Variants in TACC1 observed in about 807,000 individuals in gnomAD.
The protein encoded by TACC1 is transforming acidic coiled-coil containing protein 1.
Under a neutral mutation model 84.4 loss-of-function variants are expected in TACC1, and 48 were observed. That is an observed-to-expected ratio of 0.57 (90% CI 0.45 to 0.72). The LOEUF (loss-of-function observed/expected upper bound fraction) is 0.72. Ranked by LOEUF, TACC1 falls within the 30% of genes least tolerant of loss-of-function variation. The pLI is 0.00. For missense variants in TACC1, 920 were observed against 973.0 expected (o/e 0.95, Z 0.72); for synonymous variants, 372 against 376.3 (o/e 0.99, Z 0.13).
At chr8:38,755,752 C>CAACAACAACAACA (rs1554496270) in intron 3 of TACC1, among the ~76,000 whole-genome samples, 2 of 93,042 alleles carry the variant, frequency 2.1e-5, no homozygotes, top group African/African-American at 7.0e-5. Flanking sequence ...ACAACAACAA[C>CAACAACAACAACA]AGAGTGTTCC....
At chr8:38,742,545 G>A in intron 2 of TACC1, 1 of 935,590 alleles carries the variant, frequency 1.1e-6, no homozygotes, top group Non-Finnish European at 1.6e-6. Context: ...TGTAATCTTT[G>A]TATTTGGATT....
Position 38,852,171 on chromosome 8 carries a change from A to G in TACC1, c.*4148A>G, listed in dbSNP as rs1833185827. 2 of 291,594 alleles carry G rather than the reference A, an allele frequency of 6.9e-6. No individual in the cohort carries two copies. The highest frequency in any genetic ancestry group is 6.1e-5 in the South Asian group (2 of 32,592). The allele number at this position is 291,594 out of a possible 1,614,324, so 18.1% of individuals were successfully genotyped here. On this transcript the variant is annotated 3_prime_UTR_variant, in exon 13 of 13. Coordinates refer to ENST00000317827, the MANE Select transcript of TACC1 (RefSeq NM_006283.3). Reference sequence around the variant, plus strand: ...TAGTTTTTTGTCCAAATGCAATCCCATTTCTGTGCCTCTTAGCATGCAGTT... The same window carrying G: ...TAGTTTTTTGTCCAAATGCAATCCCGTTTCTGTGCCTCTTAGCATGCAGTT...
intron 3 of TACC1, among the ~76,000 whole-genome samples, chr8:38,759,324 A>C (rs547615168): frequency 2.1e-4 from 32 of 152,358 alleles, no homozygotes; most frequent in African/African-American, 7.7e-4. Flanking sequence ...ATCTCTGAGC[A>C]ATATACTATT....
In TACC1 at chr8:38,827,390, C is replaced by T. The variant is rs1383630000; in HGVS notation, c.1660+15C>T. The T allele has an allele frequency of 6.2e-7, 1 of 1,612,486 alleles. No individual in the cohort carries two copies. Among genetic ancestry groups the T allele is most frequent in the East Asian group, 2.2e-5 (1 of 44,884 alleles). ...CTCAGAAGCAGGTATGGAAGCATATCTTCATCTTTCTAATGTACATAAGCA... is the reference window on the plus strand; with the variant it reads ...CTCAGAAGCAGGTATGGAAGCATATTTTCATCTTTCTAATGTACATAAGCA... On this transcript the variant is annotated intron_variant, in intron 5 of 12. Transcript: ENST00000317827.
At chr8:38,768,093 AAGGAAGG>A (rs1563346646) in intron 3 of TACC1, among the ~76,000 whole-genome samples, 1 of 140,930 alleles carries the variant, frequency 7.1e-6, no homozygotes, top group Non-Finnish European at 1.5e-5. Flanking sequence ...GGAAGGAAGG[AAGGAAGG>A]AAGGAAGGAA....
At position 38,848,251 on chromosome 8, in the gene TACC1, G is replaced by A; in HGVS notation, c.*228G>A. ...AGGAGTGTGACCTGACAGTGCTGGA[G>A]CCTCCTAGTTTCCCCCTATGAAGGT... On this transcript the variant is annotated 3_prime_UTR_variant, in exon 13 of 13. Coordinates refer to ENST00000317827, the MANE Select transcript of TACC1 (RefSeq NM_006283.3). 2 of 380,520 alleles carry A rather than the reference G, an allele frequency of 5.3e-6. No homozygotes were observed. Among genetic ancestry groups the A allele is most frequent in the African/African-American group, 2.1e-5 (1 of 48,394 alleles). 23.6% of individuals were successfully genotyped at this position (380,520 alleles called of 1,614,324 possible). A position where few individuals can be genotyped will look rare whatever the true frequency, so the allele number is the denominator to read the frequency against.
chr8:38,736,756 A>G (rs1235427701), intron 1 of TACC1, among the ~76,000 whole-genome samples: 7 of 152,186 alleles, frequency 4.6e-5, no homozygotes, highest in African/African-American at 1.7e-4. Flanking sequence ...AATGGCACAC[A>G]TTTATGGATA....
At position 38,787,476 on chromosome 8, in the gene TACC1, A is replaced by C. The variant is rs1817522305; in HGVS notation, c.-107A>C. 2 of 1,397,044 alleles carry C rather than the reference A, an allele frequency of 1.4e-6. No homozygotes were observed. Among genetic ancestry groups the C allele is most frequent in the African/African-American group, 3.0e-5 (2 of 65,602 alleles). 86.5% of individuals were successfully genotyped at this position (1,397,044 alleles called of 1,614,324 possible). A position where few individuals can be genotyped will look rare whatever the true frequency, so the allele number is the denominator to read the frequency against. Reference sequence around the variant, plus strand: ...TTAACCACATCCGCGCCTCTGCTGGAAACGCTTGCTGGCGCCTGTCACCGG... The same window carrying C: ...TTAACCACATCCGCGCCTCTGCTGGCAACGCTTGCTGGCGCCTGTCACCGG... On this transcript the variant is annotated 5_prime_UTR_variant, in exon 1 of 13. Coordinates refer to ENST00000317827, the MANE Select transcript of TACC1 (RefSeq NM_006283.3).
chr8:38,755,647 T>C (rs1207899330), intron 3 of TACC1, among the ~76,000 whole-genome samples: 1 of 151,468 alleles, frequency 6.6e-6, no homozygotes, highest in East Asian at 2.0e-4. Flanking sequence ...AAGGCTCCAG[T>C]GAGCTTTGAT....
At chr8:38,748,533 G>A (rs73677604) in intron 3 of TACC1, among the ~76,000 whole-genome samples, 1,586 of 152,130 alleles carry the variant, frequency 0.01, 25 homozygotes, top group African/African-American at 0.036. Flanking sequence ...TACCAAGATA[G>A]ACCACATTCT....
Position 38,843,649 on chromosome 8 carries a change from A to T in TACC1, c.2228+254A>T, listed in dbSNP as rs186993532. The T allele has an allele frequency of 1.5e-4, 38 of 250,808 alleles. 1 individual carries two copies. Among genetic ancestry groups the T allele is most frequent in the African/African-American group, 8.0e-4 (36 of 44,830 alleles). 15.5% of individuals were successfully genotyped at this position (250,808 alleles called of 1,614,324 possible). ...TTGTTGGTTTCTGTTTTTTCTTCCT[A>T]TTACAATTTTTTTCTTTTTTATATG... On this transcript the variant is annotated intron_variant, in intron 11 of 12. Coordinates refer to ENST00000317827, the MANE Select transcript of TACC1 (RefSeq NM_006283.3).
chr8:38,794,722 C>A (rs4480085), intron 2 of TACC1, among the ~76,000 whole-genome samples: 1 of 152,146 alleles, frequency 6.6e-6, no homozygotes, highest in Non-Finnish European at 1.5e-5. Flanking sequence ...CCATTCAAGT[C>A]TACAAGTATA....
At chr8:38,812,043 G>C (rs1296496263) in intron 2 of TACC1, among the ~76,000 whole-genome samples, 1 of 152,140 alleles carries the variant, frequency 6.6e-6, no homozygotes, top group Non-Finnish European at 1.5e-5. Context: ...GAAATACGCT[G>C]TGGTCTCCTG....
chr8:38,752,454 G>T (rs932128308), intron 3 of TACC1, among the ~76,000 whole-genome samples: 1 of 152,124 alleles, frequency 6.6e-6, no homozygotes, highest in Non-Finnish European at 1.5e-5. Context: ...CTGGGCGACA[G>T]AGCGAGACTC....
At chr8:38,846,470 A>T (rs970303355) in intron 11 of TACC1, 1 of 419,572 alleles carries the variant, frequency 2.4e-6, no homozygotes, top group Non-Finnish European at 4.2e-6. Context: ...AGACTGTTAT[A>T]GAAACCATTT....
chr8:38,787,832 C>T lies in TACC1; in HGVS notation c.161+89C>T. On this transcript the variant is annotated intron_variant, in intron 1 of 12. Transcript: ENST00000317827. The stretch of plus-strand genomic sequence containing the variant: ...CTGTGTGCGTGTGTGTGGTCGCCAC[C>T]CGCGAAACCGTCCTCACGGCCGTGC... 7 of 1,251,242 alleles carry T rather than the reference C, an allele frequency of 5.6e-6. No homozygotes were observed. The South Asian group carries it at 1.1e-4, about 20-fold the overall frequency. 77.5% of individuals were successfully genotyped at this position (1,251,242 alleles called of 1,614,324 possible). A position where few individuals can be genotyped will look rare whatever the true frequency, so the allele number is the denominator to read the frequency against.
At chr8:38,778,849 C>T (rs1254762134) in intron 3 of TACC1, among the ~76,000 whole-genome samples, 1 of 152,126 alleles carries the variant, frequency 6.6e-6, no homozygotes, top group Non-Finnish European at 1.5e-5. Context: ...GAAAGAGCAT[C>T]CCAAAGAAAG....
chr8:38,767,297 T>G (rs1421064817), intron 3 of TACC1, among the ~76,000 whole-genome samples: 2 of 152,212 alleles, frequency 1.3e-5, no homozygotes, highest in Non-Finnish European at 2.9e-5. Context: ...TTGAACCTCT[T>G]GATGATATTC....
intron 6 of TACC1, among the ~76,000 whole-genome samples, chr8:38,833,310 T>G (rs1307789572): frequency 6.6e-6 from 1 of 152,252 alleles, no homozygotes; most frequent in Non-Finnish European, 1.5e-5. Context: ...AACCCATGAC[T>G]GCATTCTCTC....
Sources: allele counts gnomAD v4.1 joint callset (sites outside exome capture counted in the v4.1 genomes callset), GRCh38; gene constraint gnomAD v4.1.1; transcripts MANE v1.5; gene names NCBI Gene and HGNC (gene_info 2026-07-23, HGNC 2026-07-21).